The following UCK2 variants were observed in gnomAD, a reference collection of about 807,000 sequenced individuals.
UCK2 encodes the protein uridine-cytidine kinase 2, also known as cytidine monophosphokinase 2.
UCK2 carries 6 observed loss-of-function variants against 30.8 expected under a neutral mutation model. The ratio of observed to expected loss-of-function variants is 0.19; its 90% CI spans 0.11 to 0.38. The LOEUF (loss-of-function observed/expected upper bound fraction) is 0.38, where lower values mean the gene tolerates loss of function less well. Ranked by LOEUF, UCK2 falls within the 10% of genes least tolerant of loss-of-function variation. The pLI, the probability that UCK2 is intolerant of heterozygous loss-of-function variation, is 1.00. For synonymous variants in UCK2, 125 were observed against 133.6 expected, an observed-to-expected ratio of 0.94 and a Z score of 0.45; for missense variants, 210 against 339.8, an observed-to-expected ratio of 0.62 and a Z score of 3.00.
intron 4 of UCK2, chr1:165,900,311 T>C (rs762909290): frequency 6.6e-6 from 1 of 152,232 alleles, no homozygotes; most frequent in Non-Finnish European, 1.5e-5. Context: ...CCAGCTATGG[T>C]GCTGAAGAGT....
intron 1 of UCK2, among the ~76,000 whole-genome samples, chr1:165,838,176 C>G (rs1654241149): frequency 6.6e-6 from 1 of 152,244 alleles, no homozygotes; most frequent in African/African-American, 2.4e-5. Context: ...TCATCATCAT[C>G]TGTCAGTTGC....
intron 1 of UCK2, among the ~76,000 whole-genome samples, chr1:165,872,174 A>G (rs1261936952): frequency 6.6e-6 from 1 of 152,176 alleles, no homozygotes; most frequent in Non-Finnish European, 1.5e-5. Context: ...TTCCAGGTTC[A>G]AGCGATTCTC....
At chr1:165,873,948 C>T (rs1655268194) in intron 1 of UCK2, among the ~76,000 whole-genome samples, 1 of 152,132 alleles carries the variant, frequency 6.6e-6, no homozygotes, top group African/African-American at 2.4e-5. Context: ...TTTCCAGTAT[C>T]ACTGCTTCCT....
chr1:165,909,744 C>T lies in UCK2; in HGVS notation c.*1921C>T, dbSNP rs1647790521. On this transcript the variant is annotated 3_prime_UTR_variant, in exon 7 of 7. Transcript: ENST00000367879. Reference sequence around the variant, plus strand: ...ATTATCCTTGTAGTCATGCCTTGATCAGTTCTGAGATGAAGCAGGGAATGC... The same window carrying T: ...ATTATCCTTGTAGTCATGCCTTGATTAGTTCTGAGATGAAGCAGGGAATGC... 6.6e-6 allele frequency: 1 copy of T among 152,266 alleles called. No individual in the cohort carries two copies. Among genetic ancestry groups the T allele is most frequent in the African/African-American group, 2.4e-5 (1 of 41,450 alleles). The allele number at this position is 152,266 out of a possible 1,614,324, so 9.4% of individuals were successfully genotyped here.
chr1:165,901,947 CAAAAAAAAAA>C (rs35032034), intron 4 of UCK2, among the ~76,000 whole-genome samples: 1 of 109,156 alleles, frequency 9.2e-6, no homozygotes, highest in Admixed American at 1.0e-4. Flanking sequence ...CCGTGTCTAC[CAAAAAAAAAA>C]AAAAAAAAGG....
intron 1 of UCK2, among the ~76,000 whole-genome samples, chr1:165,868,514 C>A (rs1655109002): frequency 6.6e-6 from 1 of 152,230 alleles, no homozygotes; most frequent in Admixed American, 6.5e-5. Context: ...CTTGCTACAG[C>A]TTCTACATCA....
intron 1 of UCK2, among the ~76,000 whole-genome samples, chr1:165,876,196 T>G (rs1655330138): frequency 6.6e-6 from 1 of 152,218 alleles, no homozygotes; most frequent in Non-Finnish European, 1.5e-5. Flanking sequence ...ATTGGGCATT[T>G]CTATGGAAAC....
At chr1:165,902,863 T>C (rs1647528893) in intron 4 of UCK2, 1 of 215,986 alleles carries the variant, frequency 4.6e-6, no homozygotes, top group Non-Finnish European at 9.4e-6. Flanking sequence ...AGTGCCCTGC[T>C]TTTTTAAAAA....
intron 2 of UCK2, 121 bp downstream of exon 2, chr1:165,890,484 A>G: frequency 1.1e-6 from 1 of 950,180 alleles, no homozygotes; most frequent in Non-Finnish European, 1.6e-6. Flanking sequence ...GAACGTAGGG[A>G]CTTGATAACT....
At chr1:165,839,506 T>A (rs1654273233) in intron 1 of UCK2, among the ~76,000 whole-genome samples, 1 of 152,092 alleles carries the variant, frequency 6.6e-6, no homozygotes, top group Non-Finnish European at 1.5e-5. Flanking sequence ...GCCATGAGGC[T>A]CTTCTTGCTG....
At chr1:165,880,633 C>T (rs1405487619) in intron 1 of UCK2, among the ~76,000 whole-genome samples, 2 of 147,666 alleles carry the variant, frequency 1.4e-5, no homozygotes, top group Admixed American at 6.8e-5. Flanking sequence ...TTGTGTTTGT[C>T]CTGTGGGGAC....
Position 165,907,865 on chromosome 1 carries a change from A to T in UCK2, c.*42A>T. The T allele has an allele frequency of 6.2e-7, 1 of 1,605,004 alleles. No homozygotes were observed. Among genetic ancestry groups the T allele is most frequent in the Non-Finnish European group, 8.5e-7 (1 of 1,174,886 alleles). ...CCCAGCCCCTATCTCCAAGAGACAG[A>T]GGAGGGGTCAGGAGGCACTGCTCAT... On this transcript the variant is annotated 3_prime_UTR_variant, in exon 7 of 7. Transcript: ENST00000367879.
chr1:165,850,013 G>T (rs759704098), intron 1 of UCK2, among the ~76,000 whole-genome samples: 4 of 152,212 alleles, frequency 2.6e-5, no homozygotes, highest in Non-Finnish European at 5.9e-5. Context: ...CCCAGAAATG[G>T]TATGAAATAG....
At chr1:165,876,340 G>A (rs188916173) in intron 1 of UCK2, among the ~76,000 whole-genome samples, 1 of 152,306 alleles carries the variant, frequency 6.6e-6, no homozygotes, top group Admixed American at 6.5e-5. Context: ...ATTAAGTCCT[G>A]TGCTCAGTAT....
At chr1:165,837,607 T>A (rs1225269756) in intron 1 of UCK2, among the ~76,000 whole-genome samples, 1 of 152,158 alleles carries the variant, frequency 6.6e-6, no homozygotes, top group Non-Finnish European at 1.5e-5. Context: ...AGTTACAGAA[T>A]TTTTTTCCCT....
At chr1:165,885,323 G>A (rs1655591324) in intron 1 of UCK2, 1 of 398,344 alleles carries the variant, frequency 2.5e-6, no homozygotes, top group Non-Finnish European at 4.4e-6. Flanking sequence ...GAAAAAAGAA[G>A]ACAAAGTAAT....
chr1:165,892,849 G>A (rs183728257), intron 3 of UCK2: 60 of 152,758 alleles, frequency 3.9e-4, no homozygotes, highest in African/African-American at 1.4e-3. Flanking sequence ...GATTTCCAAG[G>A]TGCTGGGTAG....
At chr1:165,889,688 C>CTT (rs57710760) in intron 1 of UCK2, among the ~76,000 whole-genome samples, 226 of 129,634 alleles carry the variant, frequency 1.7e-3, no homozygotes, top group Middle Eastern at 4.3e-3. Flanking sequence ...CTCCGTTAGC[C>CTT]TTTTTTTTTT....
chr1:165,869,659 C>CTTTTTTTTT (rs71100867), intron 1 of UCK2, among the ~76,000 whole-genome samples: 2 of 73,972 alleles, frequency 2.7e-5, no homozygotes, highest in Admixed American at 2.1e-4. Context: ...CATCATGGGC[C>CTTTTTTTTT]TTTTTTTTTT....
Sources: gnomAD v4.1 joint callset for allele counts (sites outside exome capture counted in the v4.1 genomes callset) on GRCh38, gnomAD v4.1.1 for gene constraint, MANE v1.5 for transcripts, NCBI Gene and HGNC (gene_info 2026-07-23, HGNC 2026-07-21) for gene names.